Variants in TBX20 observed in about 807,000 individuals in gnomAD.
TBX20 encodes the protein T-box transcription factor 20.
A neutral mutation model predicts 42.9 loss-of-function variants in TBX20; 8 were observed. That is an observed-to-expected ratio of 0.19 (90% confidence interval 0.11 to 0.34). The LOEUF (loss-of-function observed/expected upper bound fraction) is 0.34, where lower values mean the gene tolerates loss of function less well. Among genes scored for constraint, TBX20 ranks in the 10% least tolerant of loss-of-function variants. The pLI is 1.00. For synonymous variants in TBX20, 198 were observed against 222.8 expected (o/e 0.89, Z 0.99); for missense variants, 411 against 566.0 (o/e 0.73, Z 2.78).
intron 5 of TBX20, among the ~76,000 whole-genome samples, chr7:35,232,351 T>C (rs778089274): frequency 6.6e-6 from 1 of 152,214 alleles, no homozygotes; most frequent in Non-Finnish European, 1.5e-5. Context: ...TGAAATTATA[T>C]GCACCATGAC....
intron 5 of TBX20, among the ~76,000 whole-genome samples, chr7:35,239,321 G>A (rs1002452455): frequency 6.6e-6 from 1 of 152,080 alleles, no homozygotes; most frequent in East Asian, 1.9e-4. Flanking sequence ...CCATCTACCA[G>A]GCAGCATCTA....
chr7:35,214,118 T>C (rs1385289548), intron 6 of TBX20, among the ~76,000 whole-genome samples: 1 of 152,110 alleles, frequency 6.6e-6, no homozygotes, highest in Non-Finnish European at 1.5e-5. Flanking sequence ...ACATAGAAGA[T>C]GGTAAATATA....
intron 6 of TBX20, among the ~76,000 whole-genome samples, chr7:35,228,663 C>T (rs1256500083): frequency 6.6e-6 from 1 of 152,086 alleles, no homozygotes; most frequent in Non-Finnish European, 1.5e-5. Flanking sequence ...GAACCGCATG[C>T]CCCCAGAAAA....
intron 5 of TBX20, among the ~76,000 whole-genome samples, chr7:35,238,603 C>A (rs937023429): frequency 6.6e-6 from 1 of 152,190 alleles, no homozygotes; most frequent in Admixed American, 6.5e-5. Flanking sequence ...TTTTCGGAAT[C>A]TTTTTGGAGC....
At chr7:35,207,614 G>A (rs915097369) in intron 6 of TBX20, among the ~76,000 whole-genome samples, 2 of 152,162 alleles carry the variant, frequency 1.3e-5, no homozygotes, top group African/African-American at 2.4e-5. Context: ...GTTATAGTGT[G>A]AGGTTTTATG....
chr7:35,233,338 C>T (rs990625506), intron 5 of TBX20, among the ~76,000 whole-genome samples: 3 of 152,158 alleles, frequency 2.0e-5, no homozygotes, highest in African/African-American at 7.2e-5. Context: ...TTGACAGTGC[C>T]TCAGAAATGC....
intron 6 of TBX20, among the ~76,000 whole-genome samples, chr7:35,226,873 A>G (rs1250555215): frequency 6.6e-6 from 1 of 152,086 alleles, no homozygotes; most frequent in African/African-American, 2.4e-5. Context: ...AAAAAAAAAA[A>G]GTTAACCGTG....
intron 5 of TBX20, among the ~76,000 whole-genome samples, 162 bp downstream of exon 5, chr7:35,240,717 T>C (rs1790058922): frequency 7.2e-6 from 1 of 139,430 alleles, no homozygotes. Flanking sequence ...TAATACACAG[T>C]CACTCAACAC....
At chr7:35,253,469 C>A in intron 1 of TBX20, 25 bp downstream of exon 1, 3 of 1,602,228 alleles carry the variant, frequency 1.9e-6, no homozygotes, top group Non-Finnish European at 1.7e-6. Context: ...CAGTCCTCGG[C>A]GGACAGCCGG....
chr7:35,241,590 T>A (rs1458304280), intron 4 of TBX20, among the ~76,000 whole-genome samples: 4 of 152,238 alleles, frequency 2.6e-5, no homozygotes, highest in African/African-American at 9.6e-5. Flanking sequence ...GCAGAAACAG[T>A]ACTAACCTTG....
chr7:35,244,734 T>C (rs1210595458), intron 4 of TBX20, among the ~76,000 whole-genome samples: 1 of 152,202 alleles, frequency 6.6e-6, no homozygotes, highest in South Asian at 2.1e-4. Context: ...CCTGACCTTC[T>C]TGCATAGAAA....
intron 5 of TBX20, among the ~76,000 whole-genome samples, chr7:35,235,856 T>C (rs1789955891): frequency 6.6e-6 from 1 of 152,112 alleles, no homozygotes; most frequent in Admixed American, 6.5e-5. Context: ...TGAATCCAGC[T>C]AGGGTTCCCA....
intron 6 of TBX20, among the ~76,000 whole-genome samples, chr7:35,222,122 T>C (rs1239469806): frequency 6.6e-6 from 1 of 152,204 alleles, no homozygotes; most frequent in East Asian, 1.9e-4. Context: ...TGGTTTCAGA[T>C]GAACTAAACT....
At chr7:35,225,894 A>C (rs1334076534) in intron 6 of TBX20, among the ~76,000 whole-genome samples, 2 of 152,216 alleles carry the variant, frequency 1.3e-5, no homozygotes, top group African/African-American at 4.8e-5. Flanking sequence ...TTTAAATATC[A>C]AATATTTACA....
At position 35,202,648 on chromosome 7, in the gene TBX20, C is replaced by A. The variant is rs765471897; in HGVS notation, c.1126G>T (p.Ala376Ser). ...TGGATGGGGTGAGGAATGGGTGTTG[C>A]TATGGATGCTGTGCTGGTGCCAAGA... Reference protein sequence around the residue: ...TALGTSTASIATPIPHPIQGS... With the variant: ...TALGTSTASISTPIPHPIQGS... Residue 376 changes from alanine (A) to serine (S), a missense_variant, in exon 8 of 8, where the codon GCA (alanine) becomes TCA (serine). Transcript: ENST00000408931. 2 of 1,613,730 alleles carry A rather than the reference C, an allele frequency of 1.2e-6. No homozygotes were observed. Among genetic ancestry groups the A allele is most frequent in the Non-Finnish European group, 1.7e-6 (2 of 1,179,810 alleles).
At position 35,249,900 on chromosome 7, in the gene TBX20, G is replaced by C. The variant is rs745372201; in HGVS notation, c.380+51C>G. ...CCTGGAAGCACCCTCAACTACCCAGGGAGTGTCCTGACTCTCCACCCCCAA... is the reference window on the plus strand; with the variant it reads ...CCTGGAAGCACCCTCAACTACCCAGCGAGTGTCCTGACTCTCCACCCCCAA... On this transcript the variant is annotated intron_variant, in intron 2 of 7. Transcript: ENST00000408931. The surrounding 1 kb of genome is among the most constrained non-coding windows in gnomAD (Gnocchi z 4.3). The C allele has an allele frequency of 6.4e-7, 1 of 1,562,094 alleles. No homozygotes were observed. Among genetic ancestry groups the C allele is most frequent in the Non-Finnish European group, 8.7e-7 (1 of 1,150,928 alleles).
intron 7 of TBX20, among the ~76,000 whole-genome samples, chr7:35,203,904 G>T (rs1315997103): frequency 6.6e-5 from 10 of 152,228 alleles, no homozygotes; most frequent in Non-Finnish European, 1.5e-4. Context: ...CTTTTCTCTG[G>T]ACTCTCTTCC....
intron 6 of TBX20, among the ~76,000 whole-genome samples, chr7:35,217,727 CT>C (rs892230567): frequency 1.4e-4 from 21 of 149,524 alleles, no homozygotes; most frequent in East Asian, 3.9e-4. Context: ...TAAAAGCAGA[CT>C]TTTTTTTTTG....
intron 1 of TBX20, 117 bp downstream of exon 1, chr7:35,253,377 C>T: frequency 1.6e-6 from 2 of 1,225,036 alleles, no homozygotes; most frequent in Non-Finnish European, 2.3e-6. Flanking sequence ...CTCCCACCCG[C>T]GATGTATGGC....
Sources: allele counts gnomAD v4.1 joint callset (sites outside exome capture counted in the v4.1 genomes callset), GRCh38; gene constraint gnomAD v4.1.1; non-coding constraint Gnocchi (gnomAD v3.1); transcripts MANE v1.5; gene names NCBI Gene and HGNC (gene_info 2026-07-23, HGNC 2026-07-21).